The following STAR variants were observed in gnomAD, a reference collection of about 807,000 sequenced individuals.
STAR encodes the protein steroidogenic acute regulatory protein, also known as steroidogenic acute regulatory protein, mitochondrial.
Under a neutral mutation model 32.3 loss-of-function variants are expected in STAR, and 32 were observed. That is an observed-to-expected ratio of 0.99 (90% CI 0.75 to 1.33). STAR has a LOEUF of 1.33. Among genes scored for constraint, STAR ranks in the 40% most tolerant of loss-of-function variants. The pLI is 0.00. For missense variants in STAR, 375 were observed against 379.0 expected (o/e 0.99, Z 0.09); for synonymous variants, 134 against 140.5 (o/e 0.95, Z 0.33).
Position 38,145,697 on chromosome 8 carries a change from G to A in STAR, c.650+266C>T. On this transcript the variant is annotated intron_variant, in intron 5 of 6. Transcript: ENST00000276449. ...ACAGCTGTTCCTGAGCGTACCAGGT[G>A]AACCTCAGCCCTGCCCCATGCTTCA... 3 of 583,802 alleles carry A rather than the reference G, an allele frequency of 5.1e-6. No individual in the cohort carries two copies. The South Asian group carries it at 6.0e-5, about 12-fold the overall frequency. 36.2% of individuals were successfully genotyped at this position (583,802 alleles called of 1,614,324 possible). A position where few individuals can be genotyped will look rare whatever the true frequency, so the allele number is the denominator to read the frequency against.
rs564329147 is a variant in STAR, at chr8:38,148,641, C to T, written c.178G>A (p.Gly60Ser). 1.3e-4 allele frequency: 217 copies of T among 1,613,836 alleles called. No homozygotes were observed. The highest frequency in any genetic ancestry group is 1.7e-4 in the Non-Finnish European group (196 of 1,179,922). ...NQVRRRSSLL[G>S]SRLEETLYSD... ...GGAGCCCAGAAGCCTCAGCACTTAC[C>T]GAGTAGAGAGCTCCGCCGCCGAACC... is the stretch of plus-strand genomic sequence containing the variant. Residue 60 changes from glycine (G) to serine (S), a missense_variant and splice_region_variant, in exon 2 of 7, where the codon GGT becomes AGT. Physicochemically the swap from Gly to Ser is moderately conservative, Grantham distance 56. Coordinates refer to ENST00000276449, the MANE Select transcript of STAR (RefSeq NM_000349.3).
At chr8:38,147,710 C>G (rs1683534909) in intron 3 of STAR, among the ~76,000 whole-genome samples, 2 of 152,252 alleles carry the variant, frequency 1.3e-5, no homozygotes, top group African/African-American at 4.8e-5. Flanking sequence ...TTACCGTGAA[C>G]CTGGTTACTG....
intron 5 of STAR, chr8:38,145,690 A>G: frequency 1.7e-6 from 1 of 578,682 alleles, no homozygotes; most frequent in South Asian, 2.0e-5. Context: ...TCCTGAGCGT[A>G]CCAGGTGAAC....
At chr8:38,145,676 C>G (rs540642698) in intron 5 of STAR, 5 of 568,054 alleles carry the variant, frequency 8.8e-6, no homozygotes, top group Admixed American at 3.0e-5. Context: ...TACATTACAG[C>G]TGTTCCTGAG....
chr8:38,144,880 A>C (rs1802535037), intron 6 of STAR: 1 of 674,320 alleles, frequency 1.5e-6, no homozygotes, highest in African/African-American at 1.9e-5. Flanking sequence ...GTGGTGGCAC[A>C]CGCCTGTAGT....
intron 6 of STAR, chr8:38,144,809 G>C (rs1425190178): frequency 1.7e-6 from 1 of 573,314 alleles, no homozygotes; most frequent in Non-Finnish European, 2.6e-6. Context: ...AGGAGTTTGA[G>C]ACCAGCCTGG....
At chr8:38,147,290 G>A (rs1250892189) in intron 3 of STAR, among the ~76,000 whole-genome samples, 2 of 152,128 alleles carry the variant, frequency 1.3e-5, no homozygotes, top group Non-Finnish European at 2.9e-5. Flanking sequence ...CCTTTGTCTT[G>A]GTGGTGAATG....
At chr8:38,146,693 T>C (rs1000602830) in intron 3 of STAR, among the ~76,000 whole-genome samples, 5 of 151,860 alleles carry the variant, frequency 3.3e-5, no homozygotes, top group African/African-American at 1.2e-4. Context: ...GAGAATTGCT[T>C]GAACCTGCAC....
At position 38,143,305 on chromosome 8, in the gene STAR, ATTTTTTTTTT is replaced by A. The variant is rs11326306; in HGVS notation, c.*958_*967del. ...GTGAAGTTGTAATCTACTAGCATAG[ATTTTTTTTTT>A]TTTTTTTTTGAGATGGAGTCTCACT... is the stretch of plus-strand genomic sequence containing the variant. On this transcript the variant is annotated 3_prime_UTR_variant, in exon 7 of 7. Coordinates refer to ENST00000276449, the MANE Select transcript of STAR (RefSeq NM_000349.3). Among the ~76,000 whole-genome samples the A allele has an allele frequency of 4.7e-5, 5 of 107,254 alleles. No homozygotes were observed. The Middle Eastern group carries it at 0.019, about 397-fold the overall frequency. 70.4% of individuals were successfully genotyped at this position (107,254 alleles called of 152,430 possible).
chr8:38,147,782 G>A (rs1802598925), intron 3 of STAR, among the ~76,000 whole-genome samples: 1 of 152,228 alleles, frequency 6.6e-6, no homozygotes, highest in Non-Finnish European at 1.5e-5. Context: ...ACCACTCTGT[G>A]TTCTAGTCCA....
At chr8:38,145,479 A>T in intron 5 of STAR, 164 bp from the exon 6 acceptor site, 1 of 911,562 alleles carries the variant, frequency 1.1e-6, no homozygotes, top group South Asian at 1.4e-5. Flanking sequence ...CAGTTGGCAC[A>T]GTTACCAGCT....
Position 38,148,723 on chromosome 8 carries a change from G to A in STAR, c.96C>T (p.Ser32=), listed in dbSNP as rs1435178169. Residue 32 remains serine (S), a synonymous_variant, in exon 2 of 7, where the codon AGC becomes AGT. Coordinates refer to ENST00000276449, the MANE Select transcript of STAR (RefSeq NM_000349.3). ...GLRQQAVMAI[S]QELNRRALGG... is the part of the protein sequence containing the mutation. ...CCAGGGCCCTCCGGTTCAGCTCCTG[G>A]CTGATGGCCATCACAGCCTGTTGCC... 1 of 1,613,886 alleles carries A rather than the reference G, an allele frequency of 6.2e-7. No homozygotes were observed. Among genetic ancestry groups the A allele is most frequent in the African/African-American group, 1.3e-5 (1 of 75,070 alleles).
Position 38,146,310 on chromosome 8 carries a change from G to T in STAR, c.444C>A (p.Asn148Lys), listed in dbSNP as rs775130992. ...VERMEAMGEW[N>K]PNVKEIKVLQ... ...TCACCTTGATCTCCTTGACATTGGG[G>T]TTCCACTCCCCCATTGCTTCCATGC... Residue 148 changes from asparagine to lysine, a missense_variant, in exon 4 of 7, where the codon AAC becomes AAA. Coordinates refer to ENST00000276449, the MANE Select transcript of STAR (RefSeq NM_000349.3). 2 of 1,613,996 alleles carry T rather than the reference G, an allele frequency of 1.2e-6. No homozygotes were observed. The highest frequency in any genetic ancestry group is 1.7e-6 in the Non-Finnish European group (2 of 1,180,022).
At chr8:38,149,185 G>A (rs1459774206) in intron 1 of STAR, 4 of 228,024 alleles carry the variant, frequency 1.8e-5, no homozygotes, top group African/African-American at 9.1e-5. Flanking sequence ...CTGATTGCAT[G>A]AATCTGTGCT....
In STAR at chr8:38,145,408, G is replaced by C. The variant is rs1026642923; in HGVS notation, c.651-93C>G. 6.6e-5 allele frequency: 102 copies of C among 1,552,458 alleles called. 1 individual carries two copies. Among genetic ancestry groups the C allele is most frequent in the South Asian group, 3.6e-4 (32 of 88,440 alleles). ...AGTACCATAGATAACACGTTTCTACGGTACCTTGTCTTTTCTGAGTCTCAT... is the reference window on the plus strand; with the variant it reads ...AGTACCATAGATAACACGTTTCTACCGTACCTTGTCTTTTCTGAGTCTCAT... On this transcript the variant is annotated intron_variant, in intron 5 of 6. Transcript: ENST00000276449.
intron 6 of STAR, chr8:38,145,009 GAAAAAAAAAAA>G (rs140343934): frequency 2.6e-6 from 3 of 1,152,144 alleles, no homozygotes; most frequent in Non-Finnish European, 3.3e-6. Context: ...ACTGAGTCTC[GAAAAAAAAAAA>G]AAAAAAAAAG....
intron 6 of STAR, chr8:38,144,725 G>T: frequency 9.9e-7 from 1 of 1,010,288 alleles, no homozygotes; most frequent in Non-Finnish European, 1.3e-6. Context: ...TTTGCTGTGA[G>T]ACAGAAGAGG....
rs35296192 is a variant in STAR at position 38,148,146 on chromosome 8, C to T, written c.306+54G>A. The T allele has an allele frequency of 0.027, 43,673 of 1,612,070 alleles. 690 individuals carry two copies. Among genetic ancestry groups the T allele is most frequent in the Middle Eastern group, 0.033 (200 of 6,054 alleles). On this transcript the variant is annotated intron_variant, in intron 3 of 6. Coordinates refer to ENST00000276449, the MANE Select transcript of STAR (RefSeq NM_000349.3). ...GGGAAAAATAGTAACCCCAGCTGGC[C>T]TTGAGGATGGCAGTGGAGCATGGAG... is the stretch of plus-strand genomic sequence containing the variant.
intron 6 of STAR, 61 bp from the exon 7 acceptor site, chr8:38,144,447 C>A (rs1206684607): frequency 1.3e-6 from 2 of 1,547,556 alleles, no homozygotes; most frequent in African/African-American, 2.7e-5. Context: ...CTTGACACTG[C>A]ACCCTATCAC....
Sources: gnomAD v4.1 joint callset for allele counts (sites outside exome capture counted in the v4.1 genomes callset) on GRCh38, gnomAD v4.1.1 for gene constraint, MANE v1.5 for transcripts, NCBI Gene and HGNC (gene_info 2026-07-23, HGNC 2026-07-21) for gene names.